The following JAZF1 variants were observed in gnomAD, a reference collection of about 807,000 sequenced individuals.
JAZF1 encodes the protein juxtaposed with another zinc finger protein 1.
A neutral mutation model predicts 26.4 loss-of-function variants in JAZF1; 8 were observed. That is an observed-to-expected ratio of 0.30 (90% CI 0.18 to 0.55). The LOEUF is 0.55. Among genes scored for constraint, JAZF1 ranks in the 20% least tolerant of loss-of-function variants. JAZF1 has a pLI of 0.94. For missense variants in JAZF1, 199 were observed against 322.0 expected (o/e 0.62, Z 2.92); for synonymous variants, 126 against 122.3 (o/e 1.03, Z -0.20).
rs1368942873 is a variant in JAZF1 at position 27,963,586 on chromosome 7, G to C, written c.188+28323C>G. Reference sequence around the variant, plus strand: ...CCCCCCCCCTTTTTTTTTGGAGACAGGGTCTTGCTCTGTCATCTAGGCTGG... The same window carrying C: ...CCCCCCCCCTTTTTTTTTGGAGACACGGTCTTGCTCTGTCATCTAGGCTGG... On this transcript the variant is annotated intron_variant, in intron 2 of 4. Transcript: ENST00000283928. Among the ~76,000 whole-genome samples the C allele has an allele frequency of 3.1e-5, 4 of 129,928 alleles. No individual in the cohort carries two copies. In the Admixed American group the frequency reaches 3.5e-4, roughly 11 times the overall value. 85.2% of individuals were successfully genotyped at this position (129,928 alleles called of 152,430 possible).
At chr7:28,112,109 G>A (rs996797847) in intron 1 of JAZF1, among the ~76,000 whole-genome samples, 2 of 152,172 alleles carry the variant, frequency 1.3e-5, no homozygotes, top group Admixed American at 6.5e-5. Context: ...AGGTGTCTTC[G>A]CCTCTCCCCT....
chr7:28,058,165 T>C (rs1783742929), intron 1 of JAZF1, among the ~76,000 whole-genome samples: 2 of 152,104 alleles, frequency 1.3e-5, no homozygotes, highest in South Asian at 4.1e-4. Flanking sequence ...AATCACTCCT[T>C]CTGAAGCCCT....
chr7:27,871,712 A>C (rs1783585700), intron 3 of JAZF1, among the ~76,000 whole-genome samples: 1 of 152,220 alleles, frequency 6.6e-6, no homozygotes, highest in Non-Finnish European at 1.5e-5. Context: ...CTAAAAAGTG[A>C]AGGTTTAGAA....
chr7:27,859,936 C>T (rs377166847), intron 3 of JAZF1, among the ~76,000 whole-genome samples: 11 of 152,206 alleles, frequency 7.2e-5, no homozygotes, highest in East Asian at 1.9e-4. Context: ...TACAAGTGCA[C>T]GACAGTAAAT....
intron 2 of JAZF1, among the ~76,000 whole-genome samples, chr7:27,920,499 G>A (rs1164765777): frequency 1.3e-5 from 2 of 152,198 alleles, no homozygotes; most frequent in East Asian, 1.9e-4. Flanking sequence ...TCTATATGAC[G>A]ATGTGTCATA....
At position 27,895,296 on chromosome 7, in the gene JAZF1, G is replaced by A. The variant is rs780379302; in HGVS notation, c.309C>T (p.His103=). 1 of 1,607,602 alleles carries A rather than the reference G, an allele frequency of 6.2e-7. No individual in the cohort carries two copies. The highest frequency in any genetic ancestry group is 8.5e-7 in the Non-Finnish European group (1 of 1,175,710). Residue 103 remains histidine, a synonymous_variant, in exon 3 of 5, where the codon CAC becomes CAT. Coordinates refer to ENST00000283928, the MANE Select transcript of JAZF1 (RefSeq NM_175061.4). ...CGGGGGGAGTAAGGCTTCCACTGCT[G>A]TGGCGTGGGGGAGTGGACACATTCC... The part of the protein sequence containing the change: ...SRGNVSTPPR[H]SSGSLTPPVT...
At chr7:27,992,249 T>C (rs1422209250) in intron 1 of JAZF1, 2 of 536,990 alleles carry the variant, frequency 3.7e-6, no homozygotes, top group Non-Finnish European at 7.4e-6. Flanking sequence ...CCCTTATAAA[T>C]ATTGGTTTTC....
At chr7:28,067,813 C>T (rs1783908361) in intron 1 of JAZF1, among the ~76,000 whole-genome samples, 1 of 152,200 alleles carries the variant, frequency 6.6e-6, no homozygotes. Flanking sequence ...CTTTTGCTCA[C>T]TTGCTAATCA....
At chr7:27,989,625 G>A (rs1169786212) in intron 2 of JAZF1, among the ~76,000 whole-genome samples, 1 of 152,142 alleles carries the variant, frequency 6.6e-6, no homozygotes, top group African/African-American at 2.4e-5. Flanking sequence ...TGGGCAAAGT[G>A]TATGAACAGA....
At chr7:28,000,077 A>G (rs1786107301) in intron 1 of JAZF1, among the ~76,000 whole-genome samples, 1 of 152,220 alleles carries the variant, frequency 6.6e-6, no homozygotes, top group Admixed American at 6.5e-5. Flanking sequence ...ACCTAAGAAC[A>G]GCATAGGGGA....
chr7:27,858,000 A>T (rs140139342), intron 3 of JAZF1, among the ~76,000 whole-genome samples: 12 of 152,322 alleles, frequency 7.9e-5, no homozygotes, highest in Non-Finnish European at 1.6e-4. Context: ...AGAAAACCCC[A>T]ATGTCTCGGC....
At position 27,945,879 on chromosome 7, in the gene JAZF1, A is replaced by AG. The variant is rs202213984; in HGVS notation, c.188+46029dup. On this transcript the variant is annotated intron_variant, in intron 2 of 4. Transcript: ENST00000283928. ...CAGGTGAAGTCTTCATCCTGCAGACAGAATGATTTATGATAATTTGACTTA... is the reference window on the plus strand; with the variant it reads ...CAGGTGAAGTCTTCATCCTGCAGACAGGAATGATTTATGATAATTTGACTTA... Among the ~76,000 whole-genome samples, 1,345 of 152,348 alleles carry AG rather than the reference A, an allele frequency of 8.8e-3. 20 individuals are homozygous for AG. Among genetic ancestry groups the AG allele is most frequent in the Middle Eastern group, 0.031 (9 of 294 alleles).
In JAZF1 at chr7:27,991,909, C is replaced by T. The variant is rs534085965; in HGVS notation, c.188G>A (p.Arg63Lys). The T allele has an allele frequency of 6.4e-6, 10 of 1,556,260 alleles. No homozygotes were observed. The highest frequency in any genetic ancestry group is 2.3e-5 in the South Asian group (2 of 87,230). Residue 63 changes from arginine to lysine, a missense_variant and splice_region_variant, in exon 2 of 5, where the codon AGA (arginine) becomes AAA (lysine). By Grantham distance (26) the Arg-to-Lys change is conservative (BLOSUM62 2). Around this residue, in one of 2 missense-constraint regions of JAZF1, gnomAD observed 137 missense variants for 184.8 expected, o/e 0.74. Transcript: ENST00000283928. ...ATAATAAATTCTGAAAATGGCTTAC[C>T]TATTTATGTAACTCAGGGCAACATA... ...PTYVALSYIN[R>K]FMTDAARREQ... is the part of the protein sequence containing the mutation.
chr7:27,839,950 G>A (rs1011168824), intron 4 of JAZF1, among the ~76,000 whole-genome samples: 1 of 152,150 alleles, frequency 6.6e-6, no homozygotes, highest in African/African-American at 2.4e-5. Context: ...TGAAAGAGCT[G>A]CTAACACCTC....
chr7:28,127,806 C>T (rs113081603), intron 1 of JAZF1, among the ~76,000 whole-genome samples: 5,380 of 152,066 alleles, frequency 0.035, 292 homozygotes, highest in African/African-American at 0.12. Context: ...GGAGAAGTGC[C>T]GAGCAAAAGG....
At chr7:27,863,767 G>A (rs562144044) in intron 3 of JAZF1, 1 of 152,324 alleles carries the variant, frequency 6.6e-6, no homozygotes, top group African/African-American at 2.4e-5. Context: ...ACGCGATGTG[G>A]TTCCTTGGGG....
At chr7:28,003,745 A>C (rs1444342912) in intron 1 of JAZF1, among the ~76,000 whole-genome samples, 7 of 152,080 alleles carry the variant, frequency 4.6e-5, no homozygotes, top group African/African-American at 1.7e-4. Context: ...GACATCATGC[A>C]TCACATTTAC....
At chr7:28,173,951 A>G (rs930534987) in intron 1 of JAZF1, among the ~76,000 whole-genome samples, 6 of 152,000 alleles carry the variant, frequency 3.9e-5, no homozygotes, top group African/African-American at 1.4e-4. Flanking sequence ...CAGCGAGGGG[A>G]AAATACAATT....
intron 1 of JAZF1, among the ~76,000 whole-genome samples, chr7:28,102,461 T>A (rs981191631): frequency 3.3e-4 from 51 of 152,364 alleles, no homozygotes; most frequent in African/African-American, 1.2e-3. Flanking sequence ...GTCCCTAGGT[T>A]ATTTCTTATC....
Sources: allele counts gnomAD v4.1 joint callset (sites outside exome capture counted in the v4.1 genomes callset), GRCh38; gene constraint gnomAD v4.1.1; regional missense constraint gnomAD v4.1.1; transcripts MANE v1.5; gene names NCBI Gene and HGNC (gene_info 2026-07-23, HGNC 2026-07-21).